FMO1: variants seen among roughly 807,000 people sequenced by gnomAD.
FMO1 encodes the protein flavin-containing monooxygenase 1.
In FMO1, 36 loss-of-function variants were observed where a neutral mutation model predicts 45.4. The ratio of observed to expected loss-of-function variants is 0.79; its 90% CI spans 0.61 to 1.05. The LOEUF is 1.05. Ranked by LOEUF, FMO1 falls within the 50% of genes least tolerant of loss-of-function variation. The pLI is 0.00. For missense variants in FMO1, 615 were observed against 640.3 expected (o/e 0.96, Z 0.43); for synonymous variants, 228 against 227.2 (o/e 1.00, Z -0.03).
intron 3 of FMO1, among the ~76,000 whole-genome samples, chr1:171,274,499 T>A (rs1378563961): frequency 1.3e-5 from 2 of 152,084 alleles, no homozygotes; most frequent in Admixed American, 1.3e-4. Flanking sequence ...ATTTTTATGA[T>A]TAAAAATAAA....
intron 2 of FMO1, among the ~76,000 whole-genome samples, chr1:171,266,255 C>T (rs1010390414): frequency 1.3e-5 from 2 of 152,110 alleles, no homozygotes; most frequent in African/African-American, 4.8e-5. Flanking sequence ...TGTCCACATG[C>T]TTACATATTG....
rs1661314673 is a variant in FMO1 at position 171,280,770 on chromosome 1, C to A, written c.628-16C>A. 6.2e-7 allele frequency: 1 copy of A among 1,608,998 alleles called. No individual in the cohort carries two copies. Among genetic ancestry groups the A allele is most frequent in the Admixed American group, 1.7e-5 (1 of 59,942 alleles). ...TTCACAGTGTCAAATGAAGGGATGTCTTTGATTGCTTCCAGGTGTTCCTCA... is the reference window on the plus strand; with the variant it reads ...TTCACAGTGTCAAATGAAGGGATGTATTTGATTGCTTCCAGGTGTTCCTCA... On this transcript the variant is annotated splice_polypyrimidine_tract_variant and intron_variant, in intron 5 of 8. Transcript: ENST00000617670.
chr1:171,276,861 A>C (rs1304003754), intron 4 of FMO1, among the ~76,000 whole-genome samples: 1 of 152,198 alleles, frequency 6.6e-6, no homozygotes, highest in Non-Finnish European at 1.5e-5. Flanking sequence ...CAATATGCTC[A>C]GTTTGAGTAG....
chr1:171,254,084 T>C (rs919564402), intron 1 of FMO1: 2 of 152,072 alleles, frequency 1.3e-5, no homozygotes, highest in Non-Finnish European at 2.9e-5. Context: ...AGCAAATTTT[T>C]ACTGAGTTAA....
At chr1:171,255,177 T>C (rs1198053687) in intron 1 of FMO1, among the ~76,000 whole-genome samples, 2 of 152,198 alleles carry the variant, frequency 1.3e-5, no homozygotes, top group Non-Finnish European at 2.9e-5. Flanking sequence ...CAAATATTTG[T>C]CATCTAGATG....
At chr1:171,273,060 T>C (rs1338809086) in intron 3 of FMO1, among the ~76,000 whole-genome samples, 1 of 152,206 alleles carries the variant, frequency 6.6e-6, no homozygotes, top group African/African-American at 2.4e-5. Flanking sequence ...GGTAACCGAA[T>C]CATGAGGGTA....
intron 4 of FMO1, among the ~76,000 whole-genome samples, chr1:171,277,897 T>A (rs1380250943): frequency 2.0e-5 from 3 of 152,158 alleles, no homozygotes; most frequent in African/African-American, 7.2e-5. Context: ...AATGTAGAGG[T>A]CTTATTACTT....
chr1:171,263,074 G>T (rs12040753), intron 2 of FMO1, among the ~76,000 whole-genome samples: 19,294 of 152,178 alleles, frequency 0.13, 1,280 homozygotes, highest in Admixed American at 0.17. Flanking sequence ...AGAAAGAAAA[G>T]AACTGACCTG....
At chr1:171,261,883 G>C (rs1159911508) in intron 2 of FMO1, among the ~76,000 whole-genome samples, 1 of 152,140 alleles carries the variant, frequency 6.6e-6, no homozygotes, top group Non-Finnish European at 1.5e-5. Flanking sequence ...TCATACACTG[G>C]GGAAGGAGAG....
intron 1 of FMO1, chr1:171,251,645 G>A (rs866999539): frequency 6.7e-6 from 1 of 148,184 alleles, no homozygotes; most frequent in South Asian, 2.3e-4. Context: ...CCAGCTGTGG[G>A]GAGTCTGTCC....
Position 171,258,219 on chromosome 1 carries a change from C to T in FMO1, c.132C>T (p.Thr44=), listed in dbSNP as rs764588544. ...SDDLGGLWRF[T]EHVEEGRASL... The stretch of plus-strand genomic sequence containing the variant: ...ACCTTGGGGGGCTGTGGAGATTCAC[C>T]GTAAGTGGGGTTTCAACAACTTTAT... The change falls in exon 2 of 9, where the codon ACC becomes ACT. Residue 44 remains threonine (T), a splice_region_variant and synonymous_variant. Coordinates refer to ENST00000617670, the MANE Select transcript of FMO1 (RefSeq NM_001282693.2). 31 of 1,613,802 alleles carry T rather than the reference C, an allele frequency of 1.9e-5. 1 individual carries two copies. The highest frequency in any genetic ancestry group is 1.5e-4 in the Admixed American group (9 of 59,990).
chr1:171,265,876 A>G (rs1660598404), intron 2 of FMO1, among the ~76,000 whole-genome samples: 1 of 152,256 alleles, frequency 6.6e-6, no homozygotes. Context: ...AAGTAGAGAA[A>G]GGAGGCTCAC....
At chr1:171,272,975 G>A (rs1660931851) in intron 3 of FMO1, among the ~76,000 whole-genome samples, 1 of 152,164 alleles carries the variant, frequency 6.6e-6, no homozygotes, top group African/African-American at 2.4e-5. Flanking sequence ...CAGGGGTAGA[G>A]TAATATGGTT....
At chr1:171,281,091 G>T (rs1321459529) in intron 6 of FMO1, 106 bp downstream of exon 6, 9 of 843,640 alleles carry the variant, frequency 1.1e-5, no homozygotes, top group Non-Finnish European at 1.7e-5. Flanking sequence ...TGAATGTGTG[G>T]GAACACTTGA....
intron 7 of FMO1, 190 bp from the exon 8 acceptor site, chr1:171,282,954 T>C (rs1661425836): frequency 1.3e-5 from 6 of 465,994 alleles, no homozygotes; most frequent in Non-Finnish European, 2.3e-5. Context: ...TGCTTATCTT[T>C]TCAGCTGACG....
chr1:171,254,050 C>A (rs143755203), intron 1 of FMO1: 3 of 152,156 alleles, frequency 2.0e-5, no homozygotes, highest in African/African-American at 4.8e-5. Context: ...AGGAAGGAAT[C>A]TTTGACCTAG....
intron 4 of FMO1, among the ~76,000 whole-genome samples, chr1:171,277,116 T>G (rs28360405): frequency 3.2e-4 from 48 of 152,176 alleles, no homozygotes; most frequent in Middle Eastern, 3.4e-3. Context: ...GATTAAGGAG[T>G]CTTTGAGCTC....
At chr1:171,271,189 T>C in intron 3 of FMO1, 1 of 859,610 alleles carries the variant, frequency 1.2e-6, no homozygotes, top group South Asian at 1.4e-5. Flanking sequence ...AGCAGTGTTA[T>C]TCCACATCTC....
At chr1:171,251,952 G>GT (rs1379250465) in intron 1 of FMO1, among the ~76,000 whole-genome samples, 1 of 152,058 alleles carries the variant, frequency 6.6e-6, no homozygotes, top group Admixed American at 6.5e-5. Context: ...CATTTTTAAT[G>GT]TTTTTGCATT....
Sources: allele counts gnomAD v4.1 joint callset (sites outside exome capture counted in the v4.1 genomes callset), GRCh38; gene constraint gnomAD v4.1.1; transcripts MANE v1.5; gene names NCBI Gene and HGNC (gene_info 2026-07-23, HGNC 2026-07-21).